XRCC5: variants seen among roughly 807,000 people sequenced by gnomAD.
The protein encoded by XRCC5 is DNA repair protein Ku80.
Under a neutral mutation model 95.7 loss-of-function variants are expected in XRCC5, and 12 were observed. That is an observed-to-expected ratio of 0.13 (90% CI 0.08 to 0.20). XRCC5 has a LOEUF of 0.20. Among genes scored for constraint, XRCC5 ranks in the 10% least tolerant of loss-of-function variants. The pLI is 1.00. For synonymous variants in XRCC5, 281 were observed against 290.3 expected (o/e 0.97, Z 0.33); for missense variants, 595 against 873.9 (o/e 0.68, Z 4.02).
chr2:216,175,710 T>G (rs916425345), intron 16 of XRCC5: 1 of 436,184 alleles, frequency 2.3e-6, no homozygotes, highest in Non-Finnish European at 4.3e-6. Context: ...TGTCTTTGGT[T>G]CCACTCCACA....
intron 16 of XRCC5, among the ~76,000 whole-genome samples, chr2:216,165,157 G>A (rs926874336): frequency 5.3e-5 from 8 of 152,130 alleles, no homozygotes; most frequent in Admixed American, 1.3e-4. Flanking sequence ...GATTTTTTAC[G>A]TAGCCATATT....
intron 7 of XRCC5, among the ~76,000 whole-genome samples, chr2:216,126,512 C>T (rs1696902353): frequency 6.6e-6 from 1 of 152,038 alleles, no homozygotes; most frequent in Non-Finnish European, 1.5e-5. Flanking sequence ...AATATATGTA[C>T]ATTTATATAC....
chr2:216,119,242 A>G (rs1696757926), intron 5 of XRCC5, 77 bp downstream of exon 5: 1 of 1,518,998 alleles, frequency 6.6e-7, no homozygotes, highest in Non-Finnish European at 9.0e-7. Flanking sequence ...TGTATAGAGT[A>G]CTTGGTTTAT....
chr2:216,127,066 A>G (rs1696910700), intron 7 of XRCC5, among the ~76,000 whole-genome samples: 1 of 151,982 alleles, frequency 6.6e-6, no homozygotes, highest in Non-Finnish European at 1.5e-5. Flanking sequence ...AGCCTGGTCA[A>G]CCTGTCTCTA....
chr2:216,171,305 C>T (rs1689161992), intron 16 of XRCC5, among the ~76,000 whole-genome samples: 2 of 152,196 alleles, frequency 1.3e-5, no homozygotes, highest in African/African-American at 4.8e-5. Flanking sequence ...CCTGTCAGAT[C>T]CATGCGTGTC....
At chr2:216,113,577 G>C (rs930343669) in intron 2 of XRCC5, among the ~76,000 whole-genome samples, 27 of 152,188 alleles carry the variant, frequency 1.8e-4, no homozygotes, top group African/African-American at 6.3e-4. Context: ...TCATGGTTCT[G>C]TGGGATGACT....
intron 13 of XRCC5, among the ~76,000 whole-genome samples, chr2:216,142,638 C>T (rs894784721): frequency 2.0e-5 from 3 of 152,164 alleles, no homozygotes; most frequent in African/African-American, 4.8e-5. Flanking sequence ...CAAGCTGTTG[C>T]TCACAGAGGA....
chr2:216,133,700 A>T lies in XRCC5; in HGVS notation c.1113+1313A>T, dbSNP rs1321594669. Among the ~76,000 whole-genome samples, 3 of 152,228 alleles carry T rather than the reference A, an allele frequency of 2.0e-5. No individual in the cohort carries two copies. In the East Asian group the frequency reaches 5.8e-4, roughly 29 times the overall value. ...CTGTATATCATAGGATCACTTTGAG[A>T]TAACTCAAGAAAAACAGATTTATCT... is the stretch of plus-strand genomic sequence containing the variant. On this transcript the variant is annotated intron_variant, in intron 10 of 20. Coordinates refer to ENST00000392132, the MANE Select transcript of XRCC5 (RefSeq NM_021141.4).
chr2:216,155,990 C>T (rs1688835107), intron 14 of XRCC5, among the ~76,000 whole-genome samples: 2 of 152,138 alleles, frequency 1.3e-5, no homozygotes, highest in East Asian at 1.9e-4. Flanking sequence ...CTTTAAAAAG[C>T]TCACCCTTCT....
intron 10 of XRCC5, among the ~76,000 whole-genome samples, chr2:216,136,792 G>T (rs1162932348): frequency 1.3e-5 from 2 of 152,034 alleles, no homozygotes; most frequent in African/African-American, 4.8e-5. Context: ...GGAGAGGGAA[G>T]GACAAACAAA....
chr2:216,178,742 C>T (rs1689324511), intron 16 of XRCC5, among the ~76,000 whole-genome samples: 1 of 152,118 alleles, frequency 6.6e-6, no homozygotes, highest in African/African-American at 2.4e-5. Context: ...ATTTCCATCT[C>T]TGTAAAATTA....
chr2:216,152,526 T>C (rs186106921), intron 14 of XRCC5, among the ~76,000 whole-genome samples: 1 of 152,202 alleles, frequency 6.6e-6, no homozygotes, highest in East Asian at 1.9e-4. Context: ...GCCCATCTTA[T>C]CTCAAAACAT....
At chr2:216,189,061 GAAAT>G (rs1689564267) in intron 16 of XRCC5, among the ~76,000 whole-genome samples, 1 of 152,194 alleles carries the variant, frequency 6.6e-6, no homozygotes, top group Non-Finnish European at 1.5e-5. Flanking sequence ...TGGTCCTTAG[GAAAT>G]AAGTAGATTC....
intron 14 of XRCC5, among the ~76,000 whole-genome samples, chr2:216,152,275 C>CA (rs1028173478): frequency 1.1e-3 from 165 of 151,530 alleles, no homozygotes; most frequent in Non-Finnish European, 1.1e-3. Flanking sequence ...TGTCTCCACA[C>CA]AAAAAAAATA....
intron 15 of XRCC5, among the ~76,000 whole-genome samples, chr2:216,161,101 G>C (rs1688944105): frequency 6.6e-6 from 1 of 152,138 alleles, no homozygotes; most frequent in South Asian, 2.1e-4. Context: ...GGAATAAAGG[G>C]CATGCCTTTA....
chr2:216,156,828 C>T (rs564340847), intron 14 of XRCC5: 12 of 436,862 alleles, frequency 2.7e-5, no homozygotes, highest in Admixed American at 2.7e-4. Context: ...AGGTAACAGA[C>T]ACCTGGCCAG....
At chr2:216,170,489 GGAGAGAGA>G (rs10585319) in intron 16 of XRCC5, among the ~76,000 whole-genome samples, 2 of 150,492 alleles carry the variant, frequency 1.3e-5, no homozygotes, top group Non-Finnish European at 3.0e-5. Context: ...CTTCTATGAA[GGAGAGAGA>G]GAGAGAGAGA....
At chr2:216,154,079 C>T (rs1266628843) in intron 14 of XRCC5, among the ~76,000 whole-genome samples, 2 of 152,166 alleles carry the variant, frequency 1.3e-5, no homozygotes, top group Admixed American at 6.5e-5. Flanking sequence ...TCAAATCTAA[C>T]GCTTTCACTT....
intron 6 of XRCC5, 25 bp downstream of exon 6, chr2:216,122,278 A>T (rs767083380): frequency 6.3e-7 from 1 of 1,575,390 alleles, no homozygotes; most frequent in Admixed American, 1.8e-5. Context: ...CATTGATGGG[A>T]ATTTTTAATT....
Sources: gnomAD v4.1 joint callset for allele counts (sites outside exome capture counted in the v4.1 genomes callset) on GRCh38, gnomAD v4.1.1 for gene constraint, MANE v1.5 for transcripts, NCBI Gene and HGNC (gene_info 2026-07-23, HGNC 2026-07-21) for gene names.